The following BECN2 variants were observed in gnomAD, a reference collection of about 807,000 sequenced individuals.
BECN2 encodes the protein beclin 2, also known as beclin-2.
For missense variants in BECN2, 428 were observed against 507.9 expected (o/e 0.84, Z 1.51); for synonymous variants, 173 against 220.1 (o/e 0.79, Z 1.90).
rs921083175 is a variant in BECN2, at chr1:241,958,213, C to G, written c.447C>G (p.Thr149=). The part of the protein sequence containing the change: ...DSQNYQRCLE[T]GELATSEDEA... Reference sequence around the variant, plus strand: ...AGAACTACCAACGCTGCCTGGAGACCGGGGAGCTGGCGACCAGCGAGGACG... The same window carrying G: ...AGAACTACCAACGCTGCCTGGAGACGGGGGAGCTGGCGACCAGCGAGGACG... The change falls in exon 1 of 1, where the codon ACC becomes ACG. Residue 149 remains threonine (T), a synonymous_variant. Coordinates refer to ENST00000419583, the MANE Select transcript of BECN2 (RefSeq NM_001290693.1). 8.1e-7 allele frequency: 1 copy of G among 1,232,452 alleles called. No homozygotes were observed. Among genetic ancestry groups the G allele is most frequent in the African/African-American group, 1.6e-5 (1 of 64,422 alleles). The allele number at this position is 1,232,452 out of a possible 1,614,324, so 76.3% of individuals were successfully genotyped here.
rs1466323620 is a variant in BECN2, at chr1:241,958,327, T to C, written c.561T>C (p.Asn187=). The C allele has an allele frequency of 4.1e-6, 5 of 1,233,308 alleles. No homozygotes were observed. Among genetic ancestry groups the C allele is most frequent in the Non-Finnish European group, 4.0e-6 (4 of 989,468 alleles). 76.4% of individuals were successfully genotyped at this position (1,233,308 alleles called of 1,614,324 possible). A position where few individuals can be genotyped will look rare whatever the true frequency, so the allele number is the denominator to read the frequency against. Residue 187 remains asparagine (N), a synonymous_variant, in exon 1 of 1, where the codon AAT becomes AAC. Coordinates refer to ENST00000419583, the MANE Select transcript of BECN2 (RefSeq NM_001290693.1). ...AGCTGGAGGATGTGGACAGGAACAATGCAAGAGCAGCGGCGGATCTCCAGG... is the reference window on the plus strand; with the variant it reads ...AGCTGGAGGATGTGGACAGGAACAACGCAAGAGCAGCGGCGGATCTCCAGG... ...VQELEDVDRN[N]ARAAADLQAA...
In BECN2 at chr1:241,958,797, A is replaced by G. The variant is rs1056577028; in HGVS notation, c.1031A>G (p.Asn344Ser). 13 of 1,231,748 alleles carry G rather than the reference A, an allele frequency of 1.1e-5. No homozygotes were observed. Among genetic ancestry groups the G allele is most frequent in the Admixed American group, 4.2e-5 (1 of 23,684 alleles). 76.3% of individuals were successfully genotyped at this position (1,231,748 alleles called of 1,614,324 possible). Residue 344 changes from asparagine to serine, a missense_variant, in exon 1 of 1, where the codon AAT becomes AGT. Physicochemically the swap from Asn to Ser is conservative, Grantham distance 46. Transcript: ENST00000419583. ...FCYGGQDVFL[N>S]NKYDRAMVAF... ...TATGGGGGGCAGGATGTTTTCCTCAATAACAAGTATGACCGCGCGATGGTG... is the reference window on the plus strand; with the variant it reads ...TATGGGGGGCAGGATGTTTTCCTCAGTAACAAGTATGACCGCGCGATGGTG...
rs1664457452 is a variant in BECN2, at chr1:241,958,165, C to G, written c.399C>G (p.Leu133=). The G allele has an allele frequency of 1.6e-6, 2 of 1,231,958 alleles. No homozygotes were observed. Among genetic ancestry groups the G allele is most frequent in the Admixed American group, 8.4e-5 (2 of 23,698 alleles). The allele number at this position is 1,231,958 out of a possible 1,614,324, so 76.3% of individuals were successfully genotyped here. A position where few individuals can be genotyped will look rare whatever the true frequency, so the allele number is the denominator to read the frequency against. ...TTTTAGAGCAGCTGGACATCCAGCTCGCTCTCACAGAAGCTGACAGTCAGA... is the reference window on the plus strand; with the variant it reads ...TTTTAGAGCAGCTGGACATCCAGCTGGCTCTCACAGAAGCTGACAGTCAGA... ...DSLLEQLDIQ[L]ALTEADSQNY... is the part of the protein sequence containing the mutation. The change falls in exon 1 of 1, where the codon CTC becomes CTG. Residue 133 remains leucine, a synonymous_variant. Transcript: ENST00000419583.
chr1:241,958,938 G>C lies in BECN2; in HGVS notation c.1172G>C (p.Arg391Pro). 1 of 1,231,830 alleles carries C rather than the reference G, an allele frequency of 8.1e-7. No homozygotes were observed. Among genetic ancestry groups the C allele is most frequent in the Non-Finnish European group, 1.0e-6 (1 of 988,064 alleles). 76.3% of individuals were successfully genotyped at this position (1,231,830 alleles called of 1,614,324 possible). ...ETGLMEDVGGRGECYSIRTHL... is the reference protein window; with the variant it reads ...ETGLMEDVGGPGECYSIRTHL... ...GGCCTGATGGAGGACGTTGGCGGCC[G>C]AGGGGAATGCTATTCCATCAGAACC... The change falls in exon 1 of 1, where the codon CGA (arginine) becomes CCA (proline). Residue 391 changes from arginine to proline, a missense_variant. Physicochemically the swap from Arg to Pro is moderately radical, Grantham distance 103. Transcript: ENST00000419583.
Position 241,958,879 on chromosome 1 carries a change from C to A in BECN2, c.1113C>A (p.Gly371=), listed in dbSNP as rs1574223499. ...AAGAGGCTGAGAAGGGTGAGCTGGG[C>A]CTCTCTCTGCCCTACGGGATCCAGG... ...FKEEAEKGEL[G]LSLPYGIQVE... is the part of the protein sequence containing the mutation. Residue 371 remains glycine (G), a synonymous_variant, in exon 1 of 1, where the codon GGC becomes GGA. Transcript: ENST00000419583. 8.1e-7 allele frequency: 1 copy of A among 1,231,836 alleles called. No homozygotes were observed. The highest frequency in any genetic ancestry group is 1.5e-5 in the African/African-American group (1 of 64,538). The allele number at this position is 1,231,836 out of a possible 1,614,324, so 76.3% of individuals were successfully genotyped here. A position where few individuals can be genotyped will look rare whatever the true frequency, so the allele number is the denominator to read the frequency against.
In BECN2 at chr1:241,957,852, C is replaced by T. The variant is rs1322601298; in HGVS notation, c.86C>T (p.Ala29Val). The T allele has an allele frequency of 1.6e-6, 2 of 1,231,600 alleles. No individual in the cohort carries two copies. Among genetic ancestry groups the T allele is most frequent in the Non-Finnish European group, 2.0e-6 (2 of 988,062 alleles). 76.3% of individuals were successfully genotyped at this position (1,231,600 alleles called of 1,614,324 possible). A position where few individuals can be genotyped will look rare whatever the true frequency, so the allele number is the denominator to read the frequency against. The stretch of plus-strand genomic sequence containing the variant: ...TCGGAGTCTAGGAGCCTCCCTGCAG[C>T]CCCGGCGCCCACCTCTGGGCAGGCT... ...GSSESRSLPA[A>V]PAPTSGQAEP... Residue 29 changes from alanine to valine, a missense_variant, in exon 1 of 1, where the codon GCC becomes GTC. By Grantham distance (64) the Ala-to-Val change is moderately conservative (BLOSUM62 0). Transcript: ENST00000419583.
At chr1:241,958,612 G>A in the BECN2 span, 1 of 1,231,796 alleles carries the variant, frequency 8.1e-7, no homozygotes. Context: ...GTGTGGGCTG[G>A]AATGAGATTA....
At position 241,958,283 on chromosome 1, in the gene BECN2, G is replaced by A. The variant is rs1558168688; in HGVS notation, c.517G>A (p.Glu173Lys). 5 of 1,234,128 alleles carry A rather than the reference G, an allele frequency of 4.1e-6. No individual in the cohort carries two copies. Among genetic ancestry groups the A allele is most frequent in the Non-Finnish European group, 5.1e-6 (5 of 989,800 alleles). 76.4% of individuals were successfully genotyped at this position (1,234,128 alleles called of 1,614,324 possible). ...GGAGCTGCGGGACCTGGAGCTGGAG[G>A]AGGCCAGGCTGGTGCAGGAGCTGGA... ...RAELRDLELE[E>K]ARLVQELEDV... The change falls in exon 1 of 1, where the codon GAG becomes AAG. Residue 173 changes from glutamate (E) to lysine (K), a missense_variant. Coordinates refer to ENST00000419583, the MANE Select transcript of BECN2 (RefSeq NM_001290693.1).
chr1:241,958,557 T>A, the BECN2 span: 1 of 1,231,762 alleles, frequency 8.1e-7, no homozygotes, highest in Non-Finnish European at 1.0e-6. Flanking sequence ...GAGGGCCCCT[T>A]GGGCGTCATC....
chr1:241,957,911 A>G lies in BECN2; in HGVS notation c.145A>G (p.Thr49Ala). The G allele has an allele frequency of 8.1e-7, 1 of 1,231,850 alleles. No individual in the cohort carries two copies. Among genetic ancestry groups the G allele is most frequent in the Non-Finnish European group, 1.0e-6 (1 of 988,074 alleles). 76.3% of individuals were successfully genotyped at this position (1,231,850 alleles called of 1,614,324 possible). A position where few individuals can be genotyped will look rare whatever the true frequency, so the allele number is the denominator to read the frequency against. ...PGDTREPGVT[T>A]REVTDAEEQQ... ...AGACACCCGGGAGCCCGGCGTCACC[A>G]CCAGGGAGGTGACAGACGCTGAGGA... is the stretch of plus-strand genomic sequence containing the variant. Residue 49 changes from threonine to alanine, a missense_variant, in exon 1 of 1, where the codon ACC becomes GCC. Physicochemically the swap from Thr to Ala is moderately conservative, Grantham distance 58. Coordinates refer to ENST00000419583, the MANE Select transcript of BECN2 (RefSeq NM_001290693.1).
Position 241,958,531 on chromosome 1 carries a change from G to A in BECN2, c.765G>A (p.Thr255=), listed in dbSNP as rs1664466332. The change falls in exon 1 of 1, where the codon ACG becomes ACA. Residue 255 remains threonine (T), a synonymous_variant. Coordinates refer to ENST00000419583, the MANE Select transcript of BECN2 (RefSeq NM_001290693.1). The part of the protein sequence containing the change: ...RLKEINCFTA[T]FEIWVEGPLG... ...AGGAAATCAACTGTTTCACCGCCAC[G>A]TTTGAGATCTGGGTGGAGGGCCCCT... 1 of 1,231,796 alleles carries A rather than the reference G, an allele frequency of 8.1e-7. No individual in the cohort carries two copies. Among genetic ancestry groups the A allele is most frequent in the Non-Finnish European group, 1.0e-6 (1 of 988,032 alleles). 76.3% of individuals were successfully genotyped at this position (1,231,796 alleles called of 1,614,324 possible).
Position 241,958,131 on chromosome 1 carries a change from C to T in BECN2, c.365C>T (p.Thr122Ile). 1 of 1,231,992 alleles carries T rather than the reference C, an allele frequency of 8.1e-7. No individual in the cohort carries two copies. The highest frequency in any genetic ancestry group is 4.2e-5 in the Admixed American group (1 of 23,710). 76.3% of individuals were successfully genotyped at this position (1,231,992 alleles called of 1,614,324 possible). A position where few individuals can be genotyped will look rare whatever the true frequency, so the allele number is the denominator to read the frequency against. ...VVDHPLCEEC[T>I]DSLLEQLDIQ... Reference sequence around the variant, plus strand: ...GACCATCCCCTGTGTGAAGAATGCACCGACAGTCTTTTAGAGCAGCTGGAC... The same window carrying T: ...GACCATCCCCTGTGTGAAGAATGCATCGACAGTCTTTTAGAGCAGCTGGAC... Residue 122 changes from threonine to isoleucine, a missense_variant, in exon 1 of 1, where the codon ACC becomes ATC. Thr to Ile is a moderately conservative substitution (Grantham distance 89, BLOSUM62 -1). Transcript: ENST00000419583.
chr1:241,958,342 G>T lies in BECN2; in HGVS notation c.576G>T (p.Ala192=). The T allele has an allele frequency of 2.4e-6, 3 of 1,233,212 alleles. No homozygotes were observed. The highest frequency in any genetic ancestry group is 3.0e-6 in the Non-Finnish European group (3 of 989,210). 76.4% of individuals were successfully genotyped at this position (1,233,212 alleles called of 1,614,324 possible). A position where few individuals can be genotyped will look rare whatever the true frequency, so the allele number is the denominator to read the frequency against. ...DVDRNNARAA[A]DLQAAQAEAA... ...ACAGGAACAATGCAAGAGCAGCGGCGGATCTCCAGGCAGCCCAGGCAGAGG... is the reference window on the plus strand; with the variant it reads ...ACAGGAACAATGCAAGAGCAGCGGCTGATCTCCAGGCAGCCCAGGCAGAGG... The change falls in exon 1 of 1, where the codon GCG becomes GCT. Residue 192 remains alanine (A), a synonymous_variant. Coordinates refer to ENST00000419583, the MANE Select transcript of BECN2 (RefSeq NM_001290693.1).
In BECN2 at chr1:241,958,753, T is replaced by A. The variant is rs965528898; in HGVS notation, c.987T>A (p.Thr329=). 2.4e-6 allele frequency: 3 copies of A among 1,231,666 alleles called. No homozygotes were observed. In the African/African-American group the frequency reaches 4.7e-5, roughly 19 times the overall value. 76.3% of individuals were successfully genotyped at this position (1,231,666 alleles called of 1,614,324 possible). ...SYLKSLTDDR[T]ELPLFCYGGQ... ...TGAAGTCTTTAACAGATGACCGCAC[T>A]GAGCTGCCGTTGTTCTGTTATGGGG... Residue 329 remains threonine (T), a synonymous_variant, in exon 1 of 1, where the codon ACT becomes ACA. Transcript: ENST00000419583.
In BECN2 at chr1:241,958,195, C is replaced by T; in HGVS notation, c.429C>T (p.Tyr143=). 8.1e-7 allele frequency: 1 copy of T among 1,232,560 alleles called. No individual in the cohort carries two copies. The highest frequency in any genetic ancestry group is 1.0e-6 in the Non-Finnish European group (1 of 988,506). The allele number at this position is 1,232,560 out of a possible 1,614,324, so 76.4% of individuals were successfully genotyped here. ...LALTEADSQN[Y]QRCLETGELA... ...TCACAGAAGCTGACAGTCAGAACTA[C>T]CAACGCTGCCTGGAGACCGGGGAGC... The change falls in exon 1 of 1, where the codon TAC becomes TAT. Residue 143 remains tyrosine, a synonymous_variant. Transcript: ENST00000419583.
Position 241,958,751 on chromosome 1 carries a change from A to C in BECN2, c.985A>C (p.Thr329Pro), listed in dbSNP as rs980294827. The C allele has an allele frequency of 8.1e-7, 1 of 1,231,792 alleles. No homozygotes were observed. The allele number at this position is 1,231,792 out of a possible 1,614,324, so 76.3% of individuals were successfully genotyped here. A position where few individuals can be genotyped will look rare whatever the true frequency, so the allele number is the denominator to read the frequency against. Residue 329 changes from threonine (T) to proline (P), a missense_variant, in exon 1 of 1, where the codon ACT (threonine) becomes CCT (proline). Thr to Pro is a conservative substitution (Grantham distance 38). Coordinates refer to ENST00000419583, the MANE Select transcript of BECN2 (RefSeq NM_001290693.1). ...TCTGAAGTCTTTAACAGATGACCGC[A>C]CTGAGCTGCCGTTGTTCTGTTATGG... ...SYLKSLTDDR[T>P]ELPLFCYGGQ...
rs1466323620 is a variant in BECN2 at position 241,958,327 on chromosome 1, T to A, written c.561T>A (p.Asn187Lys). 1 of 1,233,426 alleles carries A rather than the reference T, an allele frequency of 8.1e-7. No individual in the cohort carries two copies. Among genetic ancestry groups the A allele is most frequent in the East Asian group, 3.2e-5 (1 of 31,718 alleles). 76.4% of individuals were successfully genotyped at this position (1,233,426 alleles called of 1,614,324 possible). A position where few individuals can be genotyped will look rare whatever the true frequency, so the allele number is the denominator to read the frequency against. Residue 187 changes from asparagine (N) to lysine (K), a missense_variant, in exon 1 of 1, where the codon AAT becomes AAA. Transcript: ENST00000419583. ...AGCTGGAGGATGTGGACAGGAACAA[T>A]GCAAGAGCAGCGGCGGATCTCCAGG... is the stretch of plus-strand genomic sequence containing the variant. The part of the protein sequence containing the change: ...VQELEDVDRN[N>K]ARAAADLQAA...
rs1012909051 is a variant in BECN2, at chr1:241,958,225, G to C, written c.459G>C (p.Ala153=). The C allele has an allele frequency of 1.6e-6, 2 of 1,232,968 alleles. No homozygotes were observed. The highest frequency in any genetic ancestry group is 1.0e-6 in the Non-Finnish European group (1 of 988,922). 76.4% of individuals were successfully genotyped at this position (1,232,968 alleles called of 1,614,324 possible). The change falls in exon 1 of 1, where the codon GCG becomes GCC. Residue 153 remains alanine (A), a synonymous_variant. Transcript: ENST00000419583. ...GCTGCCTGGAGACCGGGGAGCTGGC[G>C]ACCAGCGAGGACGAGGCGGCGGCGC... The part of the protein sequence containing the change: ...YQRCLETGEL[A]TSEDEAAALR...
rs998633463 is a variant in BECN2 at position 241,957,987 on chromosome 1, C to T, written c.221C>T (p.Ser74Phe). 3 of 1,231,796 alleles carry T rather than the reference C, an allele frequency of 2.4e-6. No individual in the cohort carries two copies. The African/African-American group carries it at 4.7e-5, about 19-fold the overall frequency. The allele number at this position is 1,231,796 out of a possible 1,614,324, so 76.3% of individuals were successfully genotyped here. ...TCCCCTCCAGGCGATGGCAGTGTGT[C>T]CAAGGGCCATGCCAACATCTTCACC... ...SRSPPGDGSV[S>F]KGHANIFTLL... The change falls in exon 1 of 1, where the codon TCC becomes TTC. Residue 74 changes from serine (S) to phenylalanine (F), a missense_variant. Coordinates refer to ENST00000419583, the MANE Select transcript of BECN2 (RefSeq NM_001290693.1).
Sources: gnomAD v4.1 joint callset for allele counts on GRCh38, gnomAD v4.1.1 for gene constraint, MANE v1.5 for transcripts, NCBI Gene and HGNC (gene_info 2026-07-23, HGNC 2026-07-21) for gene names.